The following YIPF6 variants were observed in gnomAD, a reference collection of about 807,000 sequenced individuals.
YIPF6 encodes Yip1 domain family member 6, also known as protein YIPF6.
In YIPF6, 3 loss-of-function variants were observed where a neutral mutation model predicts 16.8. The ratio of observed to expected loss-of-function variants is 0.18; its 90% CI spans 0.08 to 0.46. The LOEUF is 0.46. Among genes scored for constraint, YIPF6 ranks in the 20% least tolerant of loss-of-function variants. The pLI is 0.98. For missense variants in YIPF6, 145 were observed against 184.9 expected, an observed-to-expected ratio of 0.78 and a Z score of 1.25; for synonymous variants, 67 against 61.9, an observed-to-expected ratio of 1.08 and a Z score of -0.38.
At chrX:68,503,211 CT>C (rs2079047246) in intron 1 of YIPF6, among the ~76,000 whole-genome samples, 1 of 111,927 alleles carries the variant, frequency 8.9e-6, no homozygotes, top group Admixed American at 9.5e-5. Flanking sequence ...GTGTTGATTC[CT>C]TTTTCCAGGA....
At chrX:68,507,940 A>G (rs2079066206) in intron 1 of YIPF6, among the ~76,000 whole-genome samples, 1 of 110,513 alleles carries the variant, frequency 9.0e-6, no homozygotes, top group African/African-American at 3.3e-5. Flanking sequence ...TGTAAATGCA[A>G]TGCCTTTCTC....
rs1695882914 is a variant in YIPF6, at chrX:68,533,797, A to G, written c.*1798A>G. On this transcript the variant is annotated 3_prime_UTR_variant, in exon 7 of 7. Transcript: ENST00000462683. ...TGATCCTCATTTTGAAATTGGTTCTAAATTATTATCCATTTCCAATGTCTG... is the reference window on the plus strand; with the variant it reads ...TGATCCTCATTTTGAAATTGGTTCTGAATTATTATCCATTTCCAATGTCTG... 1 of 112,569 alleles carries G rather than the reference A, an allele frequency of 8.9e-6. No homozygotes were observed. Among genetic ancestry groups the G allele is most frequent in the Non-Finnish European group, 1.9e-5 (1 of 53,330 alleles). The allele number at this position is 112,569 out of a possible 1,213,427, so 9.3% of individuals were successfully genotyped here.
At position 68,513,308 on chromosome X, in the gene YIPF6, A is replaced by G. The variant is rs201832592; in HGVS notation, c.187-19A>G. 129 of 1,186,886 alleles carry G rather than the reference A, an allele frequency of 1.1e-4. No homozygotes were observed. The African/African-American group carries it at 2.0e-3, about 18-fold the overall frequency. On this transcript the variant is annotated intron_variant, in intron 2 of 6. Transcript: ENST00000462683. ...CAACCTTGGTCATCACAATACAACA[A>G]GTTGTTTCTGTCTTTCAGATGCGTG...
At position 68,521,251 on chromosome X, in the gene YIPF6, A is replaced by G. The variant is rs779216925; in HGVS notation, c.309-121A>G. 2.0e-4 allele frequency: 171 copies of G among 859,736 alleles called. 1 individual carries two copies. Among genetic ancestry groups the G allele is most frequent in the African/African-American group, 4.5e-4 (22 of 48,689 alleles). 70.9% of individuals were successfully genotyped at this position (859,736 alleles called of 1,213,427 possible). ...ATTTTCCTTTTAGCACAACCTACAT[A>G]TTACAGATCTTCAGGTGAGGTATGG... is the stretch of plus-strand genomic sequence containing the variant. On this transcript the variant is annotated intron_variant, in intron 4 of 6. Transcript: ENST00000462683.
intron 1 of YIPF6, among the ~76,000 whole-genome samples, chrX:68,505,604 A>T (rs769414471): frequency 8.9e-6 from 1 of 112,075 alleles, no homozygotes; most frequent in Non-Finnish European, 1.9e-5. Context: ...CAAGCAAGAG[A>T]AGGAGAGTAG....
At chrX:68,503,413 A>G (rs1483580410) in intron 1 of YIPF6, among the ~76,000 whole-genome samples, 1 of 111,971 alleles carries the variant, frequency 8.9e-6, no homozygotes, top group Non-Finnish European at 1.9e-5. Flanking sequence ...CTGATGGGAA[A>G]GGGGAGGGAC....
chrX:68,507,889 C>T lies in YIPF6; in HGVS notation c.58-3960C>T, dbSNP rs1163452807. Among the ~76,000 whole-genome samples the T allele has an allele frequency of 2.7e-5, 3 of 111,016 alleles. No homozygotes were observed. The Admixed American group carries it at 2.9e-4, about 11-fold the overall frequency. On this transcript the variant is annotated intron_variant, in intron 1 of 6. Transcript: ENST00000462683. ...AAAGTGCTCAGATTACAGGCGTGAG[C>T]CACCATGCCGGCCTTTTATTGTGAT...
chrX:68,500,472 C>T (rs370043325), intron 1 of YIPF6, among the ~76,000 whole-genome samples: 112 of 110,936 alleles, frequency 1.0e-3, no homozygotes, highest in African/African-American at 3.4e-3. Flanking sequence ...CCTGCCACTA[C>T]GTCCAGCTAA....
chrX:68,533,314 A>C lies in YIPF6; in HGVS notation c.*1315A>C, dbSNP rs977708649. On this transcript the variant is annotated 3_prime_UTR_variant, in exon 7 of 7. Transcript: ENST00000462683. ...TCTGGGACAGGCTGATTCTGAGCTA[A>C]ACAGGGCTCCTTTAAGGCAATATGA... 4 of 111,719 alleles carry C rather than the reference A, an allele frequency of 3.6e-5. No individual in the cohort carries two copies. The highest frequency in any genetic ancestry group is 1.3e-4 in the African/African-American group (4 of 30,737). 9.2% of individuals were successfully genotyped at this position (111,719 alleles called of 1,213,427 possible). A position where few individuals can be genotyped will look rare whatever the true frequency, so the allele number is the denominator to read the frequency against.
chrX:68,515,426 A>G (rs920533567), intron 3 of YIPF6: 1 of 111,922 alleles, frequency 8.9e-6, no homozygotes, highest in South Asian at 3.8e-4. Context: ...GGCAAGAGCC[A>G]CTGCCCAGCC....
At chrX:68,526,041 C>T (rs377737690) in intron 6 of YIPF6, among the ~76,000 whole-genome samples, 3 of 111,571 alleles carry the variant, frequency 2.7e-5, no homozygotes, top group Non-Finnish European at 3.8e-5. Flanking sequence ...GGTAGCTTGA[C>T]GGGGATAGCA....
intron 1 of YIPF6, among the ~76,000 whole-genome samples, chrX:68,508,033 T>G (rs1220402670): frequency 1.8e-5 from 2 of 111,421 alleles, no homozygotes; most frequent in African/African-American, 6.5e-5. Flanking sequence ...ATTTTGTCCT[T>G]TGGTATTCAT....
In YIPF6 at chrX:68,520,242, T is replaced by G. The variant is rs893768272; in HGVS notation, c.309-1130T>G. 1.4e-4 allele frequency among the ~76,000 whole-genome samples: 16 copies of G among 112,620 alleles called. No homozygotes were observed. The Admixed American group carries it at 1.5e-3, about 11-fold the overall frequency. On this transcript the variant is annotated intron_variant, in intron 4 of 6. Transcript: ENST00000462683. ...GACTTACAGTGTGACTTCTCTATACTGTTTAATAAGAAGAGGTTGTGAGCT... is the reference window on the plus strand; with the variant it reads ...GACTTACAGTGTGACTTCTCTATACGGTTTAATAAGAAGAGGTTGTGAGCT...
At position 68,504,151 on chromosome X, in the gene YIPF6, G is replaced by T. The variant is rs781455102; in HGVS notation, c.57+5028G>T. 1.8e-3 allele frequency among the ~76,000 whole-genome samples: 199 copies of T among 112,106 alleles called. 1 individual carries two copies. Among genetic ancestry groups the T allele is most frequent in the Middle Eastern group, 4.6e-3 (1 of 217 alleles). On this transcript the variant is annotated intron_variant, in intron 1 of 6. Transcript: ENST00000462683. ...AAAAGAGAGAGATACACAGGGCGAG[G>T]TCTGACAGGGTCCCAAACACAAAGA...
intron 4 of YIPF6, among the ~76,000 whole-genome samples, chrX:68,519,104 A>T (rs1339351967): frequency 2.7e-5 from 3 of 112,122 alleles, no homozygotes; most frequent in Non-Finnish European, 5.6e-5. Flanking sequence ...CTATTATTAA[A>T]CTAAGTGAAT....
chrX:68,530,198 C>T (rs2079165580), intron 6 of YIPF6, among the ~76,000 whole-genome samples: 1 of 111,679 alleles, frequency 9.0e-6, no homozygotes, highest in Non-Finnish European at 1.9e-5. Context: ...AGTCTGGCTA[C>T]AGCAGCTTTG....
Position 68,499,137 on chromosome X carries a change from C to G in YIPF6, c.57+14C>G. 1 of 1,177,076 alleles carries G rather than the reference C, an allele frequency of 8.5e-7. No homozygotes were observed. The highest frequency in any genetic ancestry group is 1.1e-6 in the Non-Finnish European group (1 of 878,096). On this transcript the variant is annotated intron_variant, in intron 1 of 6. Transcript: ENST00000462683. ...CCCAGGCCCCTGGTGAGCTTGGGAT[C>G]TGCGACAAAAGGGACCGAGGGTGAG... is the stretch of plus-strand genomic sequence containing the variant.
At position 68,516,990 on chromosome X, in the gene YIPF6, T is replaced by G. The variant is rs182052199; in HGVS notation, c.266-1780T>G. 1.4e-4 allele frequency among the ~76,000 whole-genome samples: 15 copies of G among 110,432 alleles called. 2 individuals carry two copies. The highest frequency in any genetic ancestry group is 1.3e-3 in the Admixed American group (13 of 10,317). Reference sequence around the variant, plus strand: ...TGTGCCACCACACCTGGCTAATTTTTTTGTATTTTTAGTTAGAGACGGGAT... The same window carrying G: ...TGTGCCACCACACCTGGCTAATTTTGTTGTATTTTTAGTTAGAGACGGGAT... On this transcript the variant is annotated intron_variant, in intron 3 of 6. Transcript: ENST00000462683.
Position 68,511,974 on chromosome X carries a change from C to T in YIPF6, c.183C>T (p.Thr61=). 9 of 1,205,803 alleles carry T rather than the reference C, an allele frequency of 7.5e-6. No individual in the cohort carries two copies. The highest frequency in any genetic ancestry group is 1.0e-5 in the Non-Finnish European group (9 of 893,307). ...SSTLNESVRN[T]IMRDLKAVGK... ...CATTAAATGAATCTGTTCGCAATAC[C>T]ATCGTAAGTTAGACTAGTTGAGAGA... The change falls in exon 2 of 7, where the codon ACC becomes ACT. Residue 61 remains threonine (T), a synonymous_variant. Transcript: ENST00000462683.
Sources: allele counts gnomAD v4.1 joint callset (sites outside exome capture counted in the v4.1 genomes callset), GRCh38; gene constraint gnomAD v4.1.1; transcripts MANE v1.5; gene names NCBI Gene and HGNC (gene_info 2026-07-23, HGNC 2026-07-21).